Variants in ZNF536 observed in about 807,000 individuals in gnomAD.
The protein encoded by ZNF536 is zinc finger protein 536.
A neutral mutation model predicts 84.5 loss-of-function variants in ZNF536; 13 were observed. The observed-to-expected ratio is 0.15, with a 90% CI of 0.10 to 0.24. ZNF536 has a LOEUF of 0.24. Among genes scored for constraint, ZNF536 ranks in the 10% least tolerant of loss-of-function variants. The pLI is 1.00. For synonymous variants in ZNF536, 811 were observed against 742.5 expected, an observed-to-expected ratio of 1.09 and a Z score of -1.50; for missense variants, 1,536 against 1,747.5, an observed-to-expected ratio of 0.88 and a Z score of 2.16.
intron 2 of ZNF536, among the ~76,000 whole-genome samples, chr19:30,492,642 T>C (rs1039525008): frequency 6.6e-6 from 1 of 152,240 alleles, no homozygotes; most frequent in African/African-American, 2.4e-5. Flanking sequence ...TGTTTTCTTT[T>C]GACAACGTAT....
At chr19:30,710,269 G>A (rs1303951059) in intron 1 of ZNF536, among the ~76,000 whole-genome samples, 1 of 152,176 alleles carries the variant, frequency 6.6e-6, no homozygotes, top group African/African-American at 2.4e-5. Context: ...AGAGCCTGGT[G>A]TGGTGGCTTG....
chr19:30,638,719 T>G (rs1179992466), intron 1 of ZNF536, among the ~76,000 whole-genome samples: 1 of 152,176 alleles, frequency 6.6e-6, no homozygotes, highest in African/African-American at 2.4e-5. Flanking sequence ...TCTGACTCAC[T>G]GGGGAGAATT....
intron 1 of ZNF536, among the ~76,000 whole-genome samples, chr19:30,627,422 G>A (rs933891174): frequency 4.9e-5 from 7 of 141,962 alleles, no homozygotes; most frequent in Non-Finnish European, 1.5e-5. Context: ...AGTGAGCCAT[G>A]GTTGTGACAC....
intron 2 of ZNF536, among the ~76,000 whole-genome samples, chr19:30,482,157 T>C (rs760137241): frequency 2.0e-5 from 3 of 152,188 alleles, no homozygotes; most frequent in Non-Finnish European, 4.4e-5. Context: ...GTATTGTGTG[T>C]CTTTTTCATG....
chr19:30,288,550 T>G (rs2045726900), intron 2 of ZNF536, among the ~76,000 whole-genome samples: 2 of 152,186 alleles, frequency 1.3e-5, no homozygotes, highest in Admixed American at 1.3e-4. Flanking sequence ...GCAGTACCAG[T>G]GAGAATGTAC....
At chr19:30,458,734 G>A (rs894208900) in intron 2 of ZNF536, among the ~76,000 whole-genome samples, 7 of 152,138 alleles carry the variant, frequency 4.6e-5, no homozygotes, top group African/African-American at 1.2e-4. Context: ...TTACAGGCGT[G>A]AGCCACCACG....
At chr19:30,236,535 G>A (rs542024861) in intron 1 of ZNF536, among the ~76,000 whole-genome samples, 3 of 151,486 alleles carry the variant, frequency 2.0e-5, no homozygotes, top group South Asian at 4.2e-4. Flanking sequence ...GGGGCGGGGG[G>A]GGGGTACAAT....
At chr19:30,713,203 T>G (rs1309351121) in exon 2 of ZNF536, 1 of 152,222 alleles carries the variant, frequency 6.6e-6, no homozygotes, top group African/African-American at 2.4e-5. Flanking sequence ...CCAGAACATT[T>G]GTAACTTGTA....
Position 30,393,928 on chromosome 19 carries a change from C to T in ZNF536, c.-3+21372C>T, listed in dbSNP as rs572077203. On this transcript the variant is annotated intron_variant, in intron 1 of 4. Transcript: ENST00000355537. Reference sequence around the variant, plus strand: ...GGGTGTTTGGTGGTGTTGGACAGGGCAGTGGTGGAGGAGATAGAGAGAAAG... The same window carrying T: ...GGGTGTTTGGTGGTGTTGGACAGGGTAGTGGTGGAGGAGATAGAGAGAAAG... 3.5e-4 allele frequency among the ~76,000 whole-genome samples: 53 copies of T among 152,246 alleles called. No homozygotes were observed. In the South Asian group the frequency reaches 4.6e-3, roughly 13 times the overall value.
chr19:30,271,299 C>CTTTTTTTTTTTTTTTT (rs781528411), intron 1 of ZNF536, among the ~76,000 whole-genome samples: 3 of 111,842 alleles, frequency 2.7e-5, no homozygotes, highest in African/African-American at 1.1e-4. Flanking sequence ...TTTTTCTTTT[C>CTTTTTTTTTTTTTTTT]TTTTTTTTTT....
chr19:30,657,271 G>T (rs903924559), intron 1 of ZNF536, among the ~76,000 whole-genome samples: 1 of 152,158 alleles, frequency 6.6e-6, no homozygotes, highest in Non-Finnish European at 1.5e-5. Context: ...CACCAAAACT[G>T]CCTCAGCTTT....
chr19:30,228,040 G>T (rs916412637), upstream of ZNF536, among the ~76,000 whole-genome samples: 5 of 152,196 alleles, frequency 3.3e-5, no homozygotes, highest in Non-Finnish European at 7.4e-5. The surrounding 1 kb of genome is among the most constrained non-coding windows in gnomAD (Gnocchi z 4.5). Flanking sequence ...TGGGGTGTGC[G>T]TGCGTGCGTG....
At chr19:30,648,361 G>A (rs1463835942) in intron 1 of ZNF536, among the ~76,000 whole-genome samples, 1 of 152,100 alleles carries the variant, frequency 6.6e-6, no homozygotes, top group Admixed American at 6.6e-5. Context: ...TCACTCTCAG[G>A]TTGTAAATTC....
At chr19:30,581,410 G>A (rs141494920) in intron 1 of ZNF536, among the ~76,000 whole-genome samples, 18 of 152,262 alleles carry the variant, frequency 1.2e-4, no homozygotes, top group African/African-American at 4.3e-4. Context: ...CCGGGAGGTC[G>A]AGGTTGCAGT....
intron 2 of ZNF536, among the ~76,000 whole-genome samples, chr19:30,312,643 A>C (rs571292212): frequency 6.6e-6 from 1 of 152,298 alleles, no homozygotes; most frequent in East Asian, 1.9e-4. Flanking sequence ...GCATGGGGGG[A>C]CCAGGTGTCC....
At chr19:30,298,744 C>A (rs2046087199) in intron 2 of ZNF536, among the ~76,000 whole-genome samples, 1 of 152,234 alleles carries the variant, frequency 6.6e-6, no homozygotes, top group Non-Finnish European at 1.5e-5. Flanking sequence ...TTCTCCCAGT[C>A]TCCTTTGGCA....
chr19:30,446,352 C>A (rs577792444), intron 2 of ZNF536, among the ~76,000 whole-genome samples: 3 of 150,850 alleles, frequency 2.0e-5, no homozygotes, highest in African/African-American at 7.3e-5. Flanking sequence ...CATAATCTAC[C>A]TTTTTCTTGC....
intron 1 of ZNF536, among the ~76,000 whole-genome samples, chr19:30,647,300 C>A (rs926148793): frequency 1.3e-5 from 2 of 152,106 alleles, no homozygotes; most frequent in Non-Finnish European, 2.9e-5. Flanking sequence ...CCCTTTGAGT[C>A]GTTATTAAAT....
chr19:30,609,566 T>C (rs1270723485), intron 1 of ZNF536, among the ~76,000 whole-genome samples: 3 of 152,194 alleles, frequency 2.0e-5, no homozygotes, highest in African/African-American at 7.2e-5. Flanking sequence ...AAGAAAAGTG[T>C]TTTCTTAGCT....
Sources: gnomAD v4.1 joint callset for allele counts (sites outside exome capture counted in the v4.1 genomes callset) on GRCh38, gnomAD v4.1.1 for gene constraint, Gnocchi (gnomAD v3.1) non-coding constraint, MANE v1.5 for transcripts, NCBI Gene and HGNC (gene_info 2026-07-23, HGNC 2026-07-21) for gene names.